Variants in CDH18 observed in about 807,000 individuals in gnomAD.
The protein encoded by CDH18 is cadherin 18, also known as cadherin-18.
In CDH18, 31 loss-of-function variants were observed where a neutral mutation model predicts 67.9. The ratio of observed to expected loss-of-function variants is 0.46; its 90% CI spans 0.34 to 0.62. CDH18 has a LOEUF of 0.62. CDH18 is among the 20% of genes least tolerant of loss of function. The pLI, the probability that CDH18 is intolerant of heterozygous loss-of-function variation, is 0.01. For synonymous variants in CDH18, 362 were observed against 347.2 expected, an observed-to-expected ratio of 1.04 and a Z score of -0.48; for missense variants, 890 against 975.5, an observed-to-expected ratio of 0.91 and a Z score of 1.17.
At chr5:19,528,451 T>A (rs955457009) in intron 9 of CDH18, among the ~76,000 whole-genome samples, 1 of 151,586 alleles carries the variant, frequency 6.6e-6, no homozygotes, top group Non-Finnish European at 1.5e-5. Flanking sequence ...AAAATAATAA[T>A]GTTAATTAAA....
At chr5:20,397,373 C>T (rs1178441489) in intron 1 of CDH18, among the ~76,000 whole-genome samples, 1 of 152,042 alleles carries the variant, frequency 6.6e-6, no homozygotes, top group Non-Finnish European at 1.5e-5. Context: ...CTCAAGTGAT[C>T]CACTCCCCTT....
intron 1 of CDH18, among the ~76,000 whole-genome samples, chr5:20,290,153 C>A (rs1352980638): frequency 6.6e-6 from 1 of 152,052 alleles, no homozygotes; most frequent in Admixed American, 6.6e-5. Context: ...AGAACAGAAG[C>A]ATCTATGAGC....
At chr5:19,708,959 G>A (rs1764325685) in intron 5 of CDH18, among the ~76,000 whole-genome samples, 2 of 151,880 alleles carry the variant, frequency 1.3e-5, no homozygotes, top group South Asian at 2.1e-4. Flanking sequence ...AGCGAGACAA[G>A]ATGGTGCCAC....
intron 5 of CDH18, among the ~76,000 whole-genome samples, chr5:19,687,187 G>A (rs557610495): frequency 3.2e-4 from 49 of 152,208 alleles, no homozygotes; most frequent in African/African-American, 1.1e-3. Flanking sequence ...GACTGGCTTG[G>A]GGAGCTACCT....
chr5:19,945,973 C>T lies in CDH18; in HGVS notation c.-257+35087G>A, dbSNP rs140505802. Among the ~76,000 whole-genome samples, 323 of 151,926 alleles carry T rather than the reference C, an allele frequency of 2.1e-3. 2 individuals are homozygous for T. Among genetic ancestry groups the T allele is most frequent in the African/African-American group, 7.0e-3 (292 of 41,438 alleles). ...TTACTCAAAGAAATAATTTGCTGCACGCTCCACCAAATATGTAATACATCA... is the reference window on the plus strand; with the variant it reads ...TTACTCAAAGAAATAATTTGCTGCATGCTCCACCAAATATGTAATACATCA... On this transcript the variant is annotated intron_variant, in intron 2 of 12. Coordinates refer to ENST00000382275, the MANE Select transcript of CDH18 (RefSeq NM_004934.5).
In CDH18 at chr5:20,151,483, G is replaced by A. The variant is rs112065973; in HGVS notation, c.-518+103961C>T. ...ATGTGTCTTTTGGGTATAATAATCT[G>A]TTTTCCTTTGGGTATATACCCAATA... is the stretch of plus-strand genomic sequence containing the variant. On this transcript the variant is annotated intron_variant, in intron 2 of 14. Transcript: ENST00000507958. Among the ~76,000 whole-genome samples the A allele has an allele frequency of 7.1e-3, 1,076 of 152,122 alleles. 16 individuals carry two copies. The highest frequency in any genetic ancestry group is 0.023 in the African/African-American group (937 of 41,546).
intron 10 of CDH18, among the ~76,000 whole-genome samples, chr5:19,506,697 C>T (rs111895360): frequency 2.0e-5 from 3 of 152,312 alleles, no homozygotes; most frequent in African/African-American, 7.2e-5. Flanking sequence ...AACTGGCTAG[C>T]TATATGTAGA....
chr5:20,126,155 A>T (rs1215996240), intron 2 of CDH18, among the ~76,000 whole-genome samples: 1 of 152,170 alleles, frequency 6.6e-6, no homozygotes, highest in Non-Finnish European at 1.5e-5. Flanking sequence ...GCGGTCATAA[A>T]CACAATTTAT....
chr5:19,930,330 G>A (rs894344372), intron 2 of CDH18, among the ~76,000 whole-genome samples: 7 of 151,884 alleles, frequency 4.6e-5, no homozygotes, highest in Non-Finnish European at 1.0e-4. Context: ...GAGCGAGCAA[G>A]GAGAAACATA....
chr5:20,520,527 A>G (rs1341380875), intron 1 of CDH18, among the ~76,000 whole-genome samples: 4 of 152,132 alleles, frequency 2.6e-5, no homozygotes, highest in Admixed American at 2.6e-4. Flanking sequence ...AATGGGATGG[A>G]TAGAACCTTA....
chr5:20,478,783 C>T (rs1350903068), intron 1 of CDH18, among the ~76,000 whole-genome samples: 1 of 152,166 alleles, frequency 6.6e-6, no homozygotes, highest in Non-Finnish European at 1.5e-5. Flanking sequence ...AAAGTCATCA[C>T]TGTGGATTTT....
chr5:20,554,677 G>A (rs979114033), intron 1 of CDH18, among the ~76,000 whole-genome samples: 13 of 152,134 alleles, frequency 8.5e-5, no homozygotes, highest in Admixed American at 2.6e-4. Context: ...CCCGTCAAAG[G>A]GGGAATCGAA....
chr5:19,674,112 C>T (rs1050145849), intron 5 of CDH18, among the ~76,000 whole-genome samples: 2 of 152,014 alleles, frequency 1.3e-5, no homozygotes, highest in African/African-American at 2.4e-5. Flanking sequence ...CAATGATAAC[C>T]TCCTACATTT....
At chr5:20,123,062 T>C (rs943481125) in intron 2 of CDH18, among the ~76,000 whole-genome samples, 3 of 148,840 alleles carry the variant, frequency 2.0e-5, no homozygotes, top group African/African-American at 7.3e-5. Context: ...TATCTTCAAA[T>C]ATTATATATA....
At chr5:19,699,615 T>TGA in intron 5 of CDH18, among the ~76,000 whole-genome samples, 1 of 64,160 alleles carries the variant, frequency 1.6e-5, no homozygotes, top group Admixed American at 1.6e-4. Context: ...TTTCTCCATG[T>TGA]GTGTGTGTGT....
intron 1 of CDH18, among the ~76,000 whole-genome samples, chr5:20,336,371 A>T (rs1345447570): frequency 6.6e-6 from 1 of 152,144 alleles, no homozygotes; most frequent in East Asian, 1.9e-4. Flanking sequence ...TCACAGGAAT[A>T]ACCACAGGAC....
intron 2 of CDH18, among the ~76,000 whole-genome samples, chr5:19,961,354 G>A (rs1242757679): frequency 5.3e-5 from 8 of 151,752 alleles, no homozygotes; most frequent in African/African-American, 7.3e-5. Context: ...TGATCCACCC[G>A]CCTCGGCCTC....
In CDH18 at chr5:19,513,055, T is replaced by C. The variant is rs933141267; in HGVS notation, c.1512+7602A>G. The stretch of plus-strand genomic sequence containing the variant: ...TTATTTGTGGAAAGGTTTTTATTTA[T>C]ATATTTAATGAATTTAATAAATACA... On this transcript the variant is annotated intron_variant, in intron 10 of 12. Coordinates refer to ENST00000382275, the MANE Select transcript of CDH18 (RefSeq NM_004934.5). Among the ~76,000 whole-genome samples the C allele has an allele frequency of 3.3e-5, 5 of 152,000 alleles. No individual in the cohort carries two copies. In the East Asian group the frequency reaches 9.6e-4, roughly 29 times the overall value.
At chr5:20,465,518 G>T (rs1437631421) in intron 1 of CDH18, among the ~76,000 whole-genome samples, 2 of 151,716 alleles carry the variant, frequency 1.3e-5, no homozygotes, top group Non-Finnish European at 1.5e-5. Context: ...CATTATCAAG[G>T]TATATTTAAA....
Sources: allele counts gnomAD v4.1 joint callset (sites outside exome capture counted in the v4.1 genomes callset), GRCh38; gene constraint gnomAD v4.1.1; transcripts MANE v1.5; gene names NCBI Gene and HGNC (gene_info 2026-07-23, HGNC 2026-07-21).